Variants in ZNF420 observed in about 807,000 individuals in gnomAD.
ZNF420 encodes the protein ATM and p53-associated KZNF protein.
In ZNF420, 31 loss-of-function variants were observed where a neutral mutation model predicts 44.7. The observed-to-expected ratio is 0.69, with a 90% CI of 0.52 to 0.94. The LOEUF (loss-of-function observed/expected upper bound fraction) is 0.94, where lower values mean the gene tolerates loss of function less well. Ranked by LOEUF, ZNF420 falls within the 40% of genes least tolerant of loss-of-function variation. The pLI is 0.00. For missense variants in ZNF420, 681 were observed against 827.9 expected (o/e 0.82, Z 2.18); for synonymous variants, 245 against 267.4 (o/e 0.92, Z 0.82).
At chr19:37,109,657 C>G (rs1970279762) in intron 4 of ZNF420, 1 of 152,148 alleles carries the variant, frequency 6.6e-6, no homozygotes, top group South Asian at 2.1e-4. Context: ...TGTAGAACTT[C>G]AAATGTCTAG....
chr19:37,130,060 A>G lies in ZNF420; in HGVS notation c.*1002A>G, dbSNP rs985000091. ...AGCCTTCCTTGCAGGTCAACAAGAT[A>G]GAAGTGATATTTATATGAGTAGGAG... On this transcript the variant is annotated 3_prime_UTR_variant, in exon 5 of 5. Transcript: ENST00000337995. 1.3e-6 allele frequency: 2 copies of G among 1,549,366 alleles called. No homozygotes were observed. The highest frequency in any genetic ancestry group is 2.7e-5 in the African/African-American group (2 of 72,982).
At chr19:37,088,444 T>G (rs950520683) in intron 2 of ZNF420, among the ~76,000 whole-genome samples, 3 of 152,022 alleles carry the variant, frequency 2.0e-5, no homozygotes, top group Non-Finnish European at 4.4e-5. Context: ...ATTTACTGAG[T>G]TTTTTTTAAC....
intron 3 of ZNF420, 57 bp from the exon 4 acceptor site, chr19:37,090,937 GA>G (rs1022081032): frequency 1.3e-6 from 2 of 1,498,230 alleles, no homozygotes; most frequent in Non-Finnish European, 1.8e-6. Context: ...AAAAAAGAAA[GA>G]AAAAAAGAAA....
chr19:37,077,941 C>T (rs904214203), upstream of ZNF420, among the ~76,000 whole-genome samples: 2 of 152,174 alleles, frequency 1.3e-5, no homozygotes, highest in Admixed American at 6.5e-5. Flanking sequence ...CAGGCAGAAA[C>T]ACAACCATAC....
intron 4 of ZNF420, among the ~76,000 whole-genome samples, chr19:37,108,134 T>G (rs890527402): frequency 2.0e-5 from 3 of 152,216 alleles, no homozygotes; most frequent in African/African-American, 4.8e-5. Flanking sequence ...TAGAATTCTT[T>G]TGCCAATCAT....
intron 1 of ZNF420, among the ~76,000 whole-genome samples, chr19:37,055,300 C>T (rs997069653): frequency 6.6e-6 from 1 of 152,178 alleles, no homozygotes; most frequent in Non-Finnish European, 1.5e-5. Context: ...GCAAAAAAAT[C>T]GCTTAATCCT....
chr19:37,062,966 A>C (rs1225608154), intron 1 of ZNF420, among the ~76,000 whole-genome samples: 1 of 152,250 alleles, frequency 6.6e-6, no homozygotes, highest in South Asian at 2.1e-4. Flanking sequence ...GCAGGCACCA[A>C]TATGTACAAG....
intron 4 of ZNF420, among the ~76,000 whole-genome samples, chr19:37,122,381 C>T (rs183720376): frequency 0.019 from 2,901 of 149,708 alleles, 76 homozygotes; most frequent in East Asian, 0.05. Context: ...CCAAACACCG[C>T]ATGTTCTCAC....
chr19:37,068,606 C>T (rs1968008541), intron 1 of ZNF420, among the ~76,000 whole-genome samples: 2 of 152,284 alleles, frequency 1.3e-5, no homozygotes, highest in African/African-American at 4.8e-5. Flanking sequence ...TGCCATTGCA[C>T]TCCAGCCTGG....
At chr19:37,049,410 A>G (rs142489633) in intron 1 of ZNF420, among the ~76,000 whole-genome samples, 37 of 152,274 alleles carry the variant, frequency 2.4e-4, no homozygotes, top group African/African-American at 8.4e-4. Flanking sequence ...CCGCCATTCT[A>G]ACTGGTGTGA....
intron 2 of ZNF420, among the ~76,000 whole-genome samples, chr19:37,088,397 G>GATTTGA (rs1304785626): frequency 6.6e-6 from 1 of 152,172 alleles, no homozygotes; most frequent in Non-Finnish European, 1.5e-5. Flanking sequence ...ATGCAACCAT[G>GATTTGA]ATTTGATTGA....
intron 1 of ZNF420, among the ~76,000 whole-genome samples, chr19:37,058,699 G>GC (rs1009439623): frequency 8.0e-4 from 122 of 151,882 alleles, no homozygotes; most frequent in African/African-American, 2.7e-3. Context: ...GTGTCCCCCC[G>GC]CATCCACCGG....
At chr19:37,048,017 T>C (rs1770184162) in intron 1 of ZNF420, among the ~76,000 whole-genome samples, 1 of 152,180 alleles carries the variant, frequency 6.6e-6, no homozygotes. Context: ...GACTGTGAAG[T>C]TGGACCAGCT....
chr19:37,124,594 G>C (rs7259881), intron 4 of ZNF420, among the ~76,000 whole-genome samples: 3,486 of 152,144 alleles, frequency 0.023, 143 homozygotes, highest in African/African-American at 0.079. Flanking sequence ...TCTGTTTCTT[G>C]ATCTGTATTT....
At chr19:37,075,568 C>G (rs558003973), upstream of ZNF420, among the ~76,000 whole-genome samples, 10 of 152,192 alleles carry the variant, frequency 6.6e-5, no homozygotes, top group Admixed American at 2.6e-4. Flanking sequence ...TGGTGAAACC[C>G]TGTCTCCACT....
chr19:37,115,720 C>T (rs976042889), intron 4 of ZNF420, among the ~76,000 whole-genome samples: 1 of 151,942 alleles, frequency 6.6e-6, no homozygotes, highest in African/African-American at 2.4e-5. Flanking sequence ...TCCTCTTTTA[C>T]TAATCCTCCT....
At chr19:37,126,712 T>C (rs572716441) in intron 4 of ZNF420, among the ~76,000 whole-genome samples, 1 of 152,174 alleles carries the variant, frequency 6.6e-6, no homozygotes, top group Non-Finnish European at 1.5e-5. Flanking sequence ...TTGTTCTTAA[T>C]CTCTTCCCTT....
intron 2 of ZNF420, among the ~76,000 whole-genome samples, chr19:37,086,127 C>T (rs1415136505): frequency 6.6e-6 from 1 of 151,986 alleles, no homozygotes; most frequent in Non-Finnish European, 1.5e-5. Context: ...CTTTTTCACT[C>T]TTAGCCCTTC....
intron 4 of ZNF420, among the ~76,000 whole-genome samples, chr19:37,116,680 G>A (rs1308683592): frequency 1.3e-5 from 2 of 152,168 alleles, no homozygotes; most frequent in Non-Finnish European, 2.9e-5. Context: ...TAAGTGCAAG[G>A]GGTCAGGGAG....
Sources: allele counts gnomAD v4.1 joint callset (sites outside exome capture counted in the v4.1 genomes callset), GRCh38; gene constraint gnomAD v4.1.1; transcripts MANE v1.5; gene names NCBI Gene and HGNC (gene_info 2026-07-23, HGNC 2026-07-21).